PROC: variants seen among roughly 807,000 people sequenced by gnomAD.
The protein encoded by PROC is vitamin K-dependent protein C.
Under a neutral mutation model 36.3 loss-of-function variants are expected in PROC, and 22 were observed. The observed-to-expected ratio is 0.61, with a 90% CI of 0.43 to 0.86. PROC has a LOEUF of 0.86. Ranked by LOEUF, PROC falls within the 40% of genes least tolerant of loss-of-function variation. The pLI, the probability that PROC is intolerant of heterozygous loss-of-function variation, is 0.00. For missense variants in PROC, 526 were observed against 629.7 expected (o/e 0.84, Z 1.76); for synonymous variants, 218 against 244.5 (o/e 0.89, Z 1.01).
At position 127,418,460 on chromosome 2, in the gene PROC, G is replaced by A. The variant is rs2069936; in HGVS notation, c.-54G>A. 5.5e-5 allele frequency: 71 copies of A among 1,289,782 alleles called. No homozygotes were observed. The East Asian group carries it at 9.4e-4, about 17-fold the overall frequency. 79.9% of individuals were successfully genotyped at this position (1,289,782 alleles called of 1,614,324 possible). A position where few individuals can be genotyped will look rare whatever the true frequency, so the allele number is the denominator to read the frequency against. ...CTCCAGGCTGTCATGGCGGCAGGAC[G>A]GCGAACTTGCAGTATCTCCACGACC... On this transcript the variant is annotated 5_prime_UTR_variant, in exon 1 of 9. Coordinates refer to ENST00000234071, the MANE Select transcript of PROC (RefSeq NM_000312.4). This position sits in a 1 kb window ranked among gnomAD's most constrained non-coding sequence, Gnocchi z 4.8.
intron 1 of PROC, chr2:127,419,696 C>A: frequency 9.8e-7 from 1 of 1,017,234 alleles, no homozygotes; most frequent in Non-Finnish European, 1.4e-6. Context: ...CTCTCCACTG[C>A]ATTCTGGAGC....
chr2:127,428,075 G>A (rs1046783718), intron 8 of PROC, among the ~76,000 whole-genome samples: 67 of 152,292 alleles, frequency 4.4e-4, no homozygotes, highest in African/African-American at 1.5e-3. Flanking sequence ...CTGGTCTCAC[G>A]GCTCCGTGAC....
At position 127,429,224 on chromosome 2, in the gene PROC, T is replaced by C; in HGVS notation, c.*278T>C. 1 of 445,628 alleles carries C rather than the reference T, an allele frequency of 2.2e-6. No individual in the cohort carries two copies. The highest frequency in any genetic ancestry group is 4.0e-6 in the Non-Finnish European group (1 of 247,452). 27.6% of individuals were successfully genotyped at this position (445,628 alleles called of 1,614,324 possible). A position where few individuals can be genotyped will look rare whatever the true frequency, so the allele number is the denominator to read the frequency against. On this transcript the variant is annotated 3_prime_UTR_variant, in exon 9 of 9. Transcript: ENST00000234071. ...GGGATACTCTGTTTATGAAAAAGAA[T>C]AAAAAACACAACCACGAAGCCACTA...
At chr2:127,425,092 G>A (rs1163332618) in intron 6 of PROC, among the ~76,000 whole-genome samples, 1 of 152,196 alleles carries the variant, frequency 6.6e-6, no homozygotes, top group African/African-American at 2.4e-5. Flanking sequence ...AAGTCAGTGA[G>A]GAGGGCTTTC....
At position 127,423,395 on chromosome 2, in the gene PROC, G is replaced by A; in HGVS notation, c.522G>A (p.Gln174=). The A allele has an allele frequency of 6.5e-7, 1 of 1,550,258 alleles. No individual in the cohort carries two copies. The change falls in exon 6 of 9, where the codon CAG becomes CAA. Residue 174 remains glutamine, a synonymous_variant. Coordinates refer to ENST00000234071, the MANE Select transcript of PROC (RefSeq NM_000312.4). The stretch of plus-strand genomic sequence containing the variant: ...ACAAGCTGGGGGACGACCTCCTGCA[G>A]TGTCACCCCGCAGGTGAGAAGCCCC... ...PGYKLGDDLL[Q]CHPAVKFPCG...
chr2:127,423,429 C>T (rs1287371831), intron 6 of PROC, 21 bp downstream of exon 6: 1 of 1,544,884 alleles, frequency 6.5e-7, no homozygotes, highest in Non-Finnish European at 8.7e-7. Flanking sequence ...CCCAATACAT[C>T]GCCCAGGAAT....
rs748650244 is a variant in PROC at position 127,428,886 on chromosome 2, C to G, written c.1326C>G (p.Leu442=). 6.2e-7 allele frequency: 1 copy of G among 1,613,936 alleles called. No individual in the cohort carries two copies. The change falls in exon 9 of 9, where the codon CTC becomes CTG. Residue 442 remains leucine, a synonymous_variant. Coordinates refer to ENST00000234071, the MANE Select transcript of PROC (RefSeq NM_000312.4). ...YGVYTKVSRY[L]DWIHGHIRDK... ...TTTACACCAAAGTCAGCCGCTACCT[C>G]GACTGGATCCATGGGCACATCAGAG...
chr2:127,426,297 T>C lies in PROC; in HGVS notation c.678+70T>C. ...ATCACTGAGTCCATCCTGGCAGCTA[T>C]GCTCAGGGTGCAGAAACCGAGAGGG... On this transcript the variant is annotated intron_variant, in intron 7 of 8. Coordinates refer to ENST00000234071, the MANE Select transcript of PROC (RefSeq NM_000312.4). This position sits in a 1 kb window ranked among gnomAD's most constrained non-coding sequence, Gnocchi z 7.0. 3.1e-6 allele frequency: 5 copies of C among 1,601,444 alleles called. No homozygotes were observed. Among genetic ancestry groups the C allele is most frequent in the Non-Finnish European group, 3.4e-6 (4 of 1,170,012 alleles).
At chr2:127,422,262 G>A (rs2069921) in intron 3 of PROC, among the ~76,000 whole-genome samples, 110,577 of 152,150 alleles carry the variant, frequency 0.73, 40,357 homozygotes, top group Admixed American at 0.79. Flanking sequence ...CCTGGCAGAC[G>A]CCACAGTGAC....
In PROC at chr2:127,422,898, C is replaced by T. The variant is rs771878142; in HGVS notation, c.238-19C>T. 7.7e-6 allele frequency: 12 copies of T among 1,555,554 alleles called. No individual in the cohort carries two copies. Among genetic ancestry groups the T allele is most frequent in the Non-Finnish European group, 3.5e-6 (4 of 1,150,498 alleles). ...GCACACCGGCTGCAGGAGCCTGACG[C>T]TGCCCGCTCTCTCCGCAGCTGGCCT... On this transcript the variant is annotated intron_variant, in intron 3 of 8. Coordinates refer to ENST00000234071, the MANE Select transcript of PROC (RefSeq NM_000312.4).
rs1408109998 is a variant in PROC at position 127,423,042 on chromosome 2, C to T, written c.271C>T (p.Gln91Ter). 2 of 1,612,430 alleles carry T rather than the reference C, an allele frequency of 1.2e-6. No individual in the cohort carries two copies. Among genetic ancestry groups the T allele is most frequent in the East Asian group, 2.2e-5 (1 of 44,880 alleles). The stretch of plus-strand genomic sequence containing the variant: ...CCCGCCTTGTGTCGCAGACGGTGAC[C>T]AGTGCTTGGTCTTGCCCTTGGAGCA... ...AFWSKHVDGD[Q>*]CLVLPLEHPC... Residue 91 changes from glutamine (Q) to a stop codon, truncating the protein, a stop_gained, in exon 5 of 9, where the codon CAG becomes TAG. Transcript: ENST00000234071. LOFTEE classifies it high-confidence loss of function.
Position 127,421,908 on chromosome 2 carries a change from G to A in PROC, c.237+459G>A, listed in dbSNP as rs547601272. Among the ~76,000 whole-genome samples, 21 of 152,306 alleles carry A rather than the reference G, an allele frequency of 1.4e-4. No individual in the cohort carries two copies. In the South Asian group the frequency reaches 2.1e-3, roughly 15 times the overall value. On this transcript the variant is annotated intron_variant, in intron 3 of 8. Transcript: ENST00000234071. ...AGAAAATCTGATTGTTCAGGGGGTC[G>A]GAAGACAGGGTCTGTGTCCTATTTG... is the stretch of plus-strand genomic sequence containing the variant.
intron 1 of PROC, among the ~76,000 whole-genome samples, chr2:127,419,332 C>G (rs1198909376): frequency 1.3e-5 from 2 of 152,188 alleles, no homozygotes; most frequent in Non-Finnish European, 2.9e-5. Context: ...GTTTACTGAG[C>G]ATGAGCTATG....
chr2:127,426,248 G>C lies in PROC; in HGVS notation c.678+21G>C. 6.2e-7 allele frequency: 1 copy of C among 1,613,826 alleles called. No individual in the cohort carries two copies. Among genetic ancestry groups the C allele is most frequent in the Non-Finnish European group, 8.5e-7 (1 of 1,179,988 alleles). ...GGCAGGTGGGAGGCGAGGCAGCACC[G>C]GCTGCTCACGTGCTGGGTCCGGGAT... On this transcript the variant is annotated intron_variant, in intron 7 of 8. Coordinates refer to ENST00000234071, the MANE Select transcript of PROC (RefSeq NM_000312.4). This position sits in a 1 kb window ranked among gnomAD's most constrained non-coding sequence, Gnocchi z 7.0.
chr2:127,420,158 A>G lies in PROC; in HGVS notation c.70+146A>G, dbSNP rs376596360. ...ATGGGAATGGCAGGAATCAACTGAC[A>G]AGTCCCAGGTAGGCCAGCTGCCAGA... On this transcript the variant is annotated intron_variant, in intron 2 of 8. Coordinates refer to ENST00000234071, the MANE Select transcript of PROC (RefSeq NM_000312.4). 1.0e-4 allele frequency: 108 copies of G among 1,035,644 alleles called. 1 individual carries two copies. The East Asian group carries it at 2.4e-3, about 23-fold the overall frequency. The allele number at this position is 1,035,644 out of a possible 1,614,324, so 64.2% of individuals were successfully genotyped here.
At chr2:127,423,240 A>C (rs1340789582) in intron 5 of PROC, 34 bp from the exon 6 acceptor site, 1 of 1,532,942 alleles carries the variant, frequency 6.5e-7, no homozygotes. Flanking sequence ...GCGCGGCACC[A>C]GCACCAGCTG....
In PROC at chr2:127,423,013, CT is replaced by C; in HGVS notation, c.263-20del. ...CTCGGGATCTCTGGCCGCTGACCCCCTACCCCGCCTTGTGTCGCAGACGGTG... is the reference window on the plus strand; with the variant it reads ...CTCGGGATCTCTGGCCGCTGACCCCCACCCCGCCTTGTGTCGCAGACGGTG... On this transcript the variant is annotated intron_variant, in intron 4 of 8. Transcript: ENST00000234071. 1 of 1,612,554 alleles carries C rather than the reference CT, an allele frequency of 6.2e-7. No individual in the cohort carries two copies. Among genetic ancestry groups the C allele is most frequent in the Non-Finnish European group, 8.5e-7 (1 of 1,179,782 alleles).
intron 2 of PROC, 66 bp from the exon 3 acceptor site, chr2:127,421,217 C>T: frequency 6.5e-7 from 1 of 1,542,616 alleles, no homozygotes; most frequent in African/African-American, 1.4e-5. Context: ...TCCTCAGACC[C>T]CCTCATGGCC....
chr2:127,420,850 GGCAGAAGAGTGA>G (rs1688051992), intron 2 of PROC, among the ~76,000 whole-genome samples: 1 of 152,198 alleles, frequency 6.6e-6, no homozygotes, highest in South Asian at 2.1e-4. Flanking sequence ...GTGGTGTACT[GGCAGAAGAGTGA>G]GAGGATTTAA....
Sources: gnomAD v4.1 joint callset for allele counts (sites outside exome capture counted in the v4.1 genomes callset) on GRCh38, gnomAD v4.1.1 for gene constraint, Gnocchi (gnomAD v3.1) non-coding constraint, MANE v1.5 for transcripts, NCBI Gene and HGNC (gene_info 2026-07-23, HGNC 2026-07-21) for gene names.